The following DKK3 variants were observed in gnomAD, a reference collection of about 807,000 sequenced individuals.
DKK3 encodes dickkopf-related protein 3.
A neutral mutation model predicts 33.2 loss-of-function variants in DKK3; 22 were observed. The ratio of observed to expected loss-of-function variants is 0.66; its 90% confidence interval spans 0.47 to 0.95. The LOEUF (loss-of-function observed/expected upper bound fraction) is 0.95, where lower values mean the gene tolerates loss of function less well. Among genes scored for constraint, DKK3 ranks in the 40% least tolerant of loss-of-function variants. DKK3 has a pLI of 0.00. For synonymous variants in DKK3, 194 were observed against 188.8 expected (o/e 1.03, Z -0.23); for missense variants, 398 against 458.4 (o/e 0.87, Z 1.20).
intron 3 of DKK3, among the ~76,000 whole-genome samples, chr11:11,984,291 T>C (rs1048868919): frequency 2.0e-5 from 3 of 152,230 alleles, no homozygotes; most frequent in Non-Finnish European, 4.4e-5. Context: ...GGGCTTCTTA[T>C]GAACACACTG....
intron 3 of DKK3, among the ~76,000 whole-genome samples, chr11:11,985,224 G>A (rs1460035349): frequency 1.3e-5 from 2 of 152,156 alleles, no homozygotes; most frequent in East Asian, 3.9e-4. Flanking sequence ...GGGGCTAGGA[G>A]ATTCCTTTGT....
chr11:12,002,377 G>C lies in DKK3; in HGVS notation c.274C>G (p.Pro92Ala). The C allele has an allele frequency of 1.2e-6, 2 of 1,614,022 alleles. No homozygotes were observed. Among genetic ancestry groups the C allele is most frequent in the South Asian group, 1.1e-5 (1 of 91,080 alleles). The change falls in exon 2 of 7, where the codon CCC (proline) becomes GCC (alanine). Residue 92 changes from proline (P) to alanine (A), a missense_variant. Physicochemically the swap from Pro to Ala is conservative, Grantham distance 27. Coordinates refer to ENST00000683431, the MANE Select transcript of DKK3 (RefSeq NM_001018057.2). ...SSEVNLANLP[P>A]SYHNETNTDT... is the part of the protein sequence containing the mutation. ...GTGTTGGTCTCATTGTGATAGCTGGGAGGTAAGTTTGCCAGGTTCACTTCT... is the reference window on the plus strand; with the variant it reads ...GTGTTGGTCTCATTGTGATAGCTGGCAGGTAAGTTTGCCAGGTTCACTTCT...
At chr11:11,972,995 T>C (rs1384330380) in intron 3 of DKK3, among the ~76,000 whole-genome samples, 1 of 151,964 alleles carries the variant, frequency 6.6e-6, no homozygotes, top group Non-Finnish European at 1.5e-5. Flanking sequence ...CTTGTTTTAG[T>C]AAGGAATGAG....
intron 3 of DKK3, among the ~76,000 whole-genome samples, chr11:11,996,740 G>A (rs1044116053): frequency 5.9e-5 from 9 of 152,166 alleles, no homozygotes; most frequent in East Asian, 1.9e-4. Context: ...TAGATCTACC[G>A]CTCCCCTCAA....
chr11:11,971,809 C>T (rs1251156718), intron 3 of DKK3, among the ~76,000 whole-genome samples: 1 of 152,132 alleles, frequency 6.6e-6, no homozygotes, highest in Non-Finnish European at 1.5e-5. Flanking sequence ...TCCCTTCAAA[C>T]TTAATTGTTT....
rs114429255 is a variant in DKK3 at position 11,964,504 on chromosome 11, G to A, written c.1013C>T (p.Ala338Val). Residue 338 changes from alanine to valine, a missense_variant, in exon 7 of 7, where the codon GCG (alanine) becomes GTG (valine). Ala to Val is a moderately conservative substitution (Grantham distance 64). Coordinates refer to ENST00000683431, the MANE Select transcript of DKK3 (RefSeq NM_001018057.2). ...LTEEMALREP[A>V]AAAAALLGGE... ...TCCCAGCAGTGCAGCGGCGGCAGCC[G>A]CAGGCTCCCTCAGCGCCATCTCTTC... 2.4e-3 allele frequency: 3,870 copies of A among 1,613,514 alleles called. 88 individuals are homozygous for A. In the African/African-American group the frequency reaches 0.046, roughly 19 times the overall value.
chr11:11,984,141 C>T (rs935759363), intron 3 of DKK3, among the ~76,000 whole-genome samples: 11 of 152,164 alleles, frequency 7.2e-5, no homozygotes, highest in Non-Finnish European at 1.6e-4. Context: ...CTAGGGACCC[C>T]TTTAACACCT....
At chr11:11,999,290 G>A (rs1345437970) in intron 2 of DKK3, among the ~76,000 whole-genome samples, 7 of 152,160 alleles carry the variant, frequency 4.6e-5, no homozygotes, top group Non-Finnish European at 1.0e-4. Context: ...CAATATTCCT[G>A]TATCTGTTGT....
intron 2 of DKK3, among the ~76,000 whole-genome samples, chr11:12,000,947 T>A (rs1564924583): frequency 6.6e-6 from 1 of 152,372 alleles, no homozygotes; most frequent in East Asian, 1.9e-4. Context: ...CAATGAACTT[T>A]CATATACTTT....
chr11:12,002,126 G>T (rs974972394), intron 2 of DKK3, 174 bp downstream of exon 2: 5 of 689,896 alleles, frequency 7.2e-6, no homozygotes, highest in Non-Finnish European at 1.1e-5. Context: ...CTGATACATT[G>T]TCTCTCCACT....
Position 11,964,657 on chromosome 11 carries a change from G to A in DKK3, c.860C>T (p.Thr287Ile), listed in dbSNP as rs532056198. 3.5e-5 allele frequency: 57 copies of A among 1,614,072 alleles called. No homozygotes were observed. Among genetic ancestry groups the A allele is most frequent in the Admixed American group, 2.0e-4 (12 of 60,024 alleles). Residue 287 changes from threonine to isoleucine, a missense_variant, in exon 7 of 7, where the codon ACC becomes ATC. By Grantham distance (89) the Thr-to-Ile change is moderately conservative. Coordinates refer to ENST00000683431, the MANE Select transcript of DKK3 (RefSeq NM_001018057.2). ...ATCTTGGTCACGGCTCCCCACGAAG[G>A]TCGGCTTGCACACATACACCAGGCT... ...SHSLVYVCKP[T>I]FVGSRDQDGE...
intron 3 of DKK3, among the ~76,000 whole-genome samples, chr11:11,978,390 T>TTCTTCTTCTTCCTCTTCC (rs58938802): frequency 0.14 from 19,383 of 138,004 alleles, 2,562 homozygotes; most frequent in Middle Eastern, 0.41. Flanking sequence ...GCAGCTTTTC[T>TTCTTCTTCTTCCTCTTCC]TCTTCTTCTT....
chr11:12,000,826 G>A (rs1025228628), intron 2 of DKK3, among the ~76,000 whole-genome samples: 2 of 152,042 alleles, frequency 1.3e-5, no homozygotes, highest in Admixed American at 1.3e-4. Flanking sequence ...GCCGAAGATT[G>A]GTGTTCTATG....
upstream of DKK3, chr11:12,009,204 C>T: frequency 2.0e-6 from 2 of 985,234 alleles, no homozygotes; most frequent in Non-Finnish European, 2.4e-6. Context: ...GCGGGCCGGA[C>T]TGGATCTGCT....
chr11:11,996,810 G>A (rs1848304697), intron 3 of DKK3, among the ~76,000 whole-genome samples: 1 of 152,232 alleles, frequency 6.6e-6, no homozygotes, highest in Non-Finnish European at 1.5e-5. Flanking sequence ...GCACAAGGGG[G>A]CCAAGGTGTG....
At chr11:11,974,680 G>C (rs994239860) in intron 3 of DKK3, among the ~76,000 whole-genome samples, 2 of 152,106 alleles carry the variant, frequency 1.3e-5, no homozygotes, top group Non-Finnish European at 2.9e-5. Flanking sequence ...ATGAGTTCTG[G>C]AGCAGTCTCT....
intron 3 of DKK3, among the ~76,000 whole-genome samples, chr11:11,975,176 A>C (rs899380704): frequency 2.6e-5 from 4 of 152,170 alleles, no homozygotes; most frequent in African/African-American, 7.2e-5. Context: ...AAACTAATAC[A>C]TGCACCTTCC....
chr11:11,972,291 C>T (rs1847740417), intron 3 of DKK3, among the ~76,000 whole-genome samples: 1 of 152,152 alleles, frequency 6.6e-6, no homozygotes, highest in African/African-American at 2.4e-5. Flanking sequence ...TATGGTGCAC[C>T]CCTGCCAGGG....
chr11:11,965,707 C>G, intron 6 of DKK3, 102 bp downstream of exon 6: 1 of 1,424,986 alleles, frequency 7.0e-7, no homozygotes, highest in Non-Finnish European at 9.4e-7. Flanking sequence ...TAAAGGGAAT[C>G]TACACCTCCC....
Sources: gnomAD v4.1 joint callset for allele counts (sites outside exome capture counted in the v4.1 genomes callset) on GRCh38, gnomAD v4.1.1 for gene constraint, MANE v1.5 for transcripts, NCBI Gene and HGNC (gene_info 2026-07-23, HGNC 2026-07-21) for gene names.